Variants in DDX25 observed in about 807,000 individuals in gnomAD.
DDX25 encodes DEAD-box helicase 25, also known as ATP-dependent RNA helicase DDX25.
In DDX25, 70 loss-of-function variants were observed where a neutral mutation model predicts 64.6. That is an observed-to-expected ratio of 1.08 (90% CI 0.89 to 1.32). The LOEUF (loss-of-function observed/expected upper bound fraction) is 1.32, where lower values mean the gene tolerates loss of function less well. Ranked by LOEUF, DDX25 falls within the 40% of genes most tolerant of loss-of-function variation. The pLI, the probability that DDX25 is intolerant of heterozygous loss-of-function variation, is 0.00. For missense variants in DDX25, 587 were observed against 604.4 expected (o/e 0.97, Z 0.30); for synonymous variants, 211 against 213.3 (o/e 0.99, Z 0.09).
In DDX25 at chr11:125,904,557, G is replaced by A. The variant is rs1944849093; in HGVS notation, c.40G>A (p.Glu14Lys). The change falls in exon 1 of 12, where the codon GAG becomes AAG. Residue 14 changes from glutamate (E) to lysine (K), a missense_variant. Transcript: ENST00000263576. ...GTGGGGAGGCGACGCAGGGGCGGCG[G>A]AGAGCGAGCGGCTGAACAGCCACGT... Reference protein sequence around the residue: ...LLWGGDAGAAESERLNSHFSN... With the variant: ...LLWGGDAGAAKSERLNSHFSN... 2 of 1,497,850 alleles carry A rather than the reference G, an allele frequency of 1.3e-6. No individual in the cohort carries two copies. The highest frequency in any genetic ancestry group is 1.4e-5 in the African/African-American group (1 of 71,130). 92.8% of individuals were successfully genotyped at this position (1,497,850 alleles called of 1,614,324 possible).
Position 125,917,085 on chromosome 11 carries a change from A to G in DDX25, c.872A>G (p.Glu291Gly), listed in dbSNP as rs747182884. ...GAGGACTCTGTGTGGCACTTTGCTG[A>G]GCGAATCATCCCTGACCCTAATGTT... ...TFEDSVWHFAERIIPDPNVIK... is the reference protein window; with the variant it reads ...TFEDSVWHFAGRIIPDPNVIK... Residue 291 changes from glutamate to glycine, a missense_variant, in exon 9 of 12, where the codon GAG (glutamate) becomes GGG (glycine). Physicochemically the swap from Glu to Gly is moderately conservative, Grantham distance 98 (BLOSUM62 -2). Transcript: ENST00000263576. The G allele has an allele frequency of 5.6e-6, 9 of 1,610,536 alleles. No homozygotes were observed. The highest frequency in any genetic ancestry group is 6.8e-6 in the Non-Finnish European group (8 of 1,178,710).
rs375105347 is a variant in DDX25 at position 125,908,302 on chromosome 11, G to A, written c.404+14G>A. 3.0e-5 allele frequency: 48 copies of A among 1,613,330 alleles called. No individual in the cohort carries two copies. Among genetic ancestry groups the A allele is most frequent in the Non-Finnish European group, 3.6e-5 (43 of 1,179,674 alleles). On this transcript the variant is annotated intron_variant, in intron 5 of 11. Coordinates refer to ENST00000263576, the MANE Select transcript of DDX25 (RefSeq NM_013264.5). The stretch of plus-strand genomic sequence containing the variant: ...GCTGGCACATCCGTGAGTTTCCAGG[G>A]TAGTGGTATTCTACTTGGTTATGTT...
At chr11:125,906,266 C>G in intron 4 of DDX25, 57 bp downstream of exon 4, 1 of 1,480,842 alleles carries the variant, frequency 6.8e-7, no homozygotes, top group South Asian at 1.4e-5. Flanking sequence ...AGAACAAACG[C>G]ATCTGCTTAT....
At chr11:125,904,375 C>G, upstream of DDX25, 1 of 746,114 alleles carries the variant, frequency 1.3e-6, no homozygotes, top group Non-Finnish European at 1.9e-6. Flanking sequence ...CCTTCCAGCG[C>G]CTGCGCGCCG....
chr11:125,907,464 C>A (rs1214296476), intron 4 of DDX25, among the ~76,000 whole-genome samples: 3 of 151,930 alleles, frequency 2.0e-5, no homozygotes, highest in African/African-American at 4.8e-5. Context: ...AAAAATTAGC[C>A]AGGTGTGGTG....
rs998580348 is a variant in DDX25 at position 125,924,410 on chromosome 11, A to G, written c.*1529A>G. On this transcript the variant is annotated 3_prime_UTR_variant, in exon 12 of 12. Coordinates refer to ENST00000263576, the MANE Select transcript of DDX25 (RefSeq NM_013264.5). ...TAATGGCAGAGACCTAGAATAAGCC[A>G]GCATGATAACAGACTGTGCTAAAGC... The G allele has an allele frequency of 2.0e-5, 3 of 152,306 alleles. No individual in the cohort carries two copies. The highest frequency in any genetic ancestry group is 4.4e-5 in the Non-Finnish European group (3 of 68,104). The allele number at this position is 152,306 out of a possible 1,614,324, so 9.4% of individuals were successfully genotyped here.
rs201774241 is a variant in DDX25, at chr11:125,917,120, C to T, written c.907C>T (p.Arg303Cys). Residue 303 changes from arginine to cysteine, a missense_variant, in exon 9 of 12, where the codon CGC (arginine) becomes TGC (cysteine). Arg to Cys is a radical substitution (Grantham distance 180, BLOSUM62 -3). Transcript: ENST00000263576. ...IIPDPNVIKL[R>C]KEELTLNNIR... ...CCCTGACCCTAATGTTATCAAGTTA[C>T]GCAAAGAGGAGCTCACACTGAACAA... 2.3e-4 allele frequency: 376 copies of T among 1,610,300 alleles called. 1 individual carries two copies. The highest frequency in any genetic ancestry group is 3.0e-4 in the Non-Finnish European group (348 of 1,178,614).
upstream of DDX25, chr11:125,904,346 C>G (rs1591512773): frequency 6.0e-6 from 3 of 500,484 alleles, no homozygotes; most frequent in Non-Finnish European, 9.6e-6. Flanking sequence ...GCCCTCCGCC[C>G]CTTCCGCGCG....
chr11:125,917,469 C>T (rs1345637805), intron 9 of DDX25, among the ~76,000 whole-genome samples: 1 of 152,196 alleles, frequency 6.6e-6, no homozygotes, highest in Non-Finnish European at 1.5e-5. Context: ...TGATGTTAAA[C>T]ACAGGGCCTT....
intron 10 of DDX25, among the ~76,000 whole-genome samples, chr11:125,920,436 C>CA (rs35297384): frequency 6.5e-4 from 95 of 145,466 alleles, no homozygotes; most frequent in African/African-American, 7.8e-4. Context: ...GACTCCATCT[C>CA]AAAAAAAAAA....
At chr11:125,903,450 T>C (rs1177855173), upstream of DDX25, 1 of 153,856 alleles carries the variant, frequency 6.5e-6, no homozygotes, top group Non-Finnish European at 1.4e-5. Flanking sequence ...CAAATTCTGC[T>C]ATCCTTATAC....
rs1326992281 is a variant in DDX25, at chr11:125,925,427, TCAA to T, written c.*2550_*2552del. ...AACACGAACTGGCTAGTTTGGTGAG[TCAA>T]CAATCCAAAGGCTGTTTTTTGCAGG... On this transcript the variant is annotated 3_prime_UTR_variant, in exon 12 of 12. Transcript: ENST00000263576. 1 of 456,220 alleles carries T rather than the reference TCAA, an allele frequency of 2.2e-6. No individual in the cohort carries two copies. Among genetic ancestry groups the T allele is most frequent in the Admixed American group, 2.3e-5 (1 of 42,574 alleles). 28.3% of individuals were successfully genotyped at this position (456,220 alleles called of 1,614,324 possible).
chr11:125,905,205 T>C lies in DDX25; in HGVS notation c.64-7T>C. The C allele has an allele frequency of 3.9e-6, 6 of 1,551,498 alleles. No individual in the cohort carries two copies. Among genetic ancestry groups the C allele is most frequent in the Non-Finnish European group, 5.2e-6 (6 of 1,146,884 alleles). On this transcript the variant is annotated splice_region_variant and splice_polypyrimidine_tract_variant and intron_variant, in intron 1 of 11. Coordinates refer to ENST00000263576, the MANE Select transcript of DDX25 (RefSeq NM_013264.5). ...TAATATTGGTTGAAATTTGTGTCTCTCAATAGTTTTCAAACCTCAGCCAAC... is the reference window on the plus strand; with the variant it reads ...TAATATTGGTTGAAATTTGTGTCTCCCAATAGTTTTCAAACCTCAGCCAAC...
chr11:125,923,014 A>T lies in DDX25; in HGVS notation c.*133A>T, dbSNP rs940071043. 5.3e-6 allele frequency: 4 copies of T among 760,982 alleles called. No individual in the cohort carries two copies. Among genetic ancestry groups the T allele is most frequent in the Non-Finnish European group, 8.3e-6 (4 of 482,828 alleles). The allele number at this position is 760,982 out of a possible 1,614,324, so 47.1% of individuals were successfully genotyped here. On this transcript the variant is annotated 3_prime_UTR_variant, in exon 12 of 12. Transcript: ENST00000263576. The stretch of plus-strand genomic sequence containing the variant: ...CAGATGGCAAAATAAATGTCACGGT[A>T]CTTAGTTTTAAGACATGAGGTCTTT...
At chr11:125,910,254 C>T (rs771059579) in intron 6 of DDX25, 110 bp from the exon 7 acceptor site, 3 of 813,882 alleles carry the variant, frequency 3.7e-6, no homozygotes, top group Non-Finnish European at 6.0e-6. Flanking sequence ...TCAACCAAAA[C>T]CTTCAATTTC....
At chr11:125,906,321 A>AAT in intron 4 of DDX25, 112 bp downstream of exon 4, 1 of 1,064,638 alleles carries the variant, frequency 9.4e-7, no homozygotes, top group Non-Finnish European at 1.2e-6. Flanking sequence ...GATATTCAAT[A>AAT]TTTTTTTTTG....
Position 125,928,162 on chromosome 11 carries a change from C to T in DDX25, c.*5281C>T, listed in dbSNP as rs542698861. 1.3e-5 allele frequency: 2 copies of T among 152,142 alleles called. No homozygotes were observed. Among genetic ancestry groups the T allele is most frequent in the African/African-American group, 2.4e-5 (1 of 41,428 alleles). 9.4% of individuals were successfully genotyped at this position (152,142 alleles called of 1,614,324 possible). Reference sequence around the variant, plus strand: ...ACAGCAAAGTAGAGCAAAATATCAACAATCCAATGACTTTATCATAAAAAT... The same window carrying T: ...ACAGCAAAGTAGAGCAAAATATCAATAATCCAATGACTTTATCATAAAAAT... On this transcript the variant is annotated 3_prime_UTR_variant, in exon 12 of 12. Transcript: ENST00000263576.
rs779638403 is a variant in DDX25, at chr11:125,918,744, G to C, written c.1155G>C (p.Arg385=). 1.2e-5 allele frequency: 20 copies of C among 1,608,744 alleles called. No homozygotes were observed. In the African/African-American group the frequency reaches 2.5e-4, roughly 20 times the overall value. Residue 385 remains arginine, a synonymous_variant, in exon 10 of 12, where the codon CGG becomes CGC. Transcript: ENST00000263576. The part of the protein sequence containing the change: ...EQRASIIQRF[R]DGKEKVLITT... ...GAGCTTCCATCATTCAGAGGTTTCG[G>C]GATGGGAAAGAGAAGGTTCTCATAA...
intron 4 of DDX25, among the ~76,000 whole-genome samples, chr11:125,906,535 A>G (rs1411038518): frequency 6.6e-6 from 1 of 152,092 alleles, no homozygotes; most frequent in Non-Finnish European, 1.5e-5. Context: ...TGCAATCAAA[A>G]TATAGCTCAG....
Sources: gnomAD v4.1 joint callset for allele counts (sites outside exome capture counted in the v4.1 genomes callset) on GRCh38, gnomAD v4.1.1 for gene constraint, MANE v1.5 for transcripts, NCBI Gene and HGNC (gene_info 2026-07-23, HGNC 2026-07-21) for gene names.